SCUBE1: variants seen among roughly 807,000 people sequenced by gnomAD.
The protein encoded by SCUBE1 is signal peptide, CUB and EGF-like domain-containing protein 1.
In SCUBE1, 59 loss-of-function variants were observed where a neutral mutation model predicts 124.4. The ratio of observed to expected loss-of-function variants is 0.47; its 90% confidence interval spans 0.38 to 0.59. SCUBE1 has a LOEUF of 0.59. SCUBE1 is among the 20% of genes least tolerant of loss of function. SCUBE1 has a pLI of 0.00. For missense variants in SCUBE1, 1,150 were observed against 1,371.2 expected (o/e 0.84, Z 2.55); for synonymous variants, 545 against 550.9 (o/e 0.99, Z 0.15).
At position 43,293,492 on chromosome 22, in the gene SCUBE1, G is replaced by A. The variant is rs117692638; in HGVS notation, c.350-2312C>T. ...GCTCAGACCAATGCTGCGAAGAGCC[G>A]GCTGCTCCTCACACGAGCTGGAGTC... On this transcript the variant is annotated intron_variant, in intron 3 of 21. Transcript: ENST00000360835. Among the ~76,000 whole-genome samples, 385 of 152,328 alleles carry A rather than the reference G, an allele frequency of 2.5e-3. 18 individuals carry two copies. In the East Asian group the frequency reaches 0.067, roughly 26 times the overall value.
intron 4 of SCUBE1, among the ~76,000 whole-genome samples, chr22:43,276,365 C>A (rs1006233636): frequency 6.6e-6 from 1 of 152,164 alleles, no homozygotes; most frequent in Admixed American, 6.5e-5. Context: ...GACGTACATG[C>A]TGAAAGAGTC....
At chr22:43,286,165 A>G (rs1182600920) in intron 4 of SCUBE1, among the ~76,000 whole-genome samples, 2 of 152,240 alleles carry the variant, frequency 1.3e-5, no homozygotes, top group Non-Finnish European at 2.9e-5. Flanking sequence ...GCCCGTGTTT[A>G]TTGAAACTGT....
chr22:43,244,661 T>C (rs973813864), intron 6 of SCUBE1, among the ~76,000 whole-genome samples: 2 of 152,188 alleles, frequency 1.3e-5, no homozygotes, highest in Non-Finnish European at 2.9e-5. Flanking sequence ...CCAGGCTCAG[T>C]GCCAGCACAC....
At chr22:43,222,984 C>A (rs997454687) in intron 11 of SCUBE1, 113 bp downstream of exon 11, 12 of 1,386,698 alleles carry the variant, frequency 8.7e-6, no homozygotes, top group Non-Finnish European at 1.2e-5. Flanking sequence ...TTATCAGAGA[C>A]CCTCATTCCT....
chr22:43,281,533 C>CCCTTCACAGCCACCCTCCTGTCACCTCCT, intron 4 of SCUBE1, among the ~76,000 whole-genome samples: 1 of 63,530 alleles, frequency 1.6e-5, no homozygotes, highest in East Asian at 3.3e-3. Flanking sequence ...CCTGTCACCT[C>CCCTTCACAGCCACCCTCCTGTCACCTCCT]CCTCAGTCAC....
chr22:43,236,166 G>A (rs1033856535), intron 7 of SCUBE1, among the ~76,000 whole-genome samples: 6 of 152,206 alleles, frequency 3.9e-5, no homozygotes, highest in African/African-American at 1.4e-4. Context: ...ACCTGACCGA[G>A]GAACCAAACC....
intron 8 of SCUBE1, among the ~76,000 whole-genome samples, chr22:43,230,757 T>C (rs1417231666): frequency 2.0e-5 from 3 of 152,172 alleles, no homozygotes; most frequent in Non-Finnish European, 2.9e-5. Context: ...GGGGCACACA[T>C]GATTCTGAGG....
chr22:43,260,063 C>T (rs1272934732), intron 5 of SCUBE1, among the ~76,000 whole-genome samples: 1 of 152,204 alleles, frequency 6.6e-6, no homozygotes, highest in Non-Finnish European at 1.5e-5. Flanking sequence ...GTGGAACCCA[C>T]TTTGGGCTGG....
chr22:43,281,448 T>C (rs1157398490), intron 4 of SCUBE1, among the ~76,000 whole-genome samples: 1 of 63,478 alleles, frequency 1.6e-5, no homozygotes, highest in Non-Finnish European at 2.7e-5. Context: ...GCCACCCTCC[T>C]GTCATCTCCC....
chr22:43,209,028 G>A (rs1921422666), intron 19 of SCUBE1, among the ~76,000 whole-genome samples: 1 of 152,180 alleles, frequency 6.6e-6, no homozygotes, highest in African/African-American at 2.4e-5. Context: ...ACGGGTGAGG[G>A]GAACGGGTGG....
intron 2 of SCUBE1, among the ~76,000 whole-genome samples, chr22:43,323,725 G>A (rs780115880): frequency 7.9e-5 from 12 of 151,714 alleles, no homozygotes; most frequent in Admixed American, 2.6e-4. Flanking sequence ...GCACACACAC[G>A]CACATTCAAA....
At chr22:43,305,927 C>T (rs1040135921) in intron 3 of SCUBE1, among the ~76,000 whole-genome samples, 26 of 152,202 alleles carry the variant, frequency 1.7e-4, no homozygotes, top group African/African-American at 5.8e-4. Flanking sequence ...TGCCAGCAGT[C>T]TATTTCTAGC....
At chr22:43,280,645 T>C (rs943272701) in intron 4 of SCUBE1, among the ~76,000 whole-genome samples, 4 of 150,382 alleles carry the variant, frequency 2.7e-5, no homozygotes, top group African/African-American at 7.3e-5. Flanking sequence ...GCCATGCTCC[T>C]ACCAACTTCC....
chr22:43,290,704 C>T (rs1020971902), intron 4 of SCUBE1, among the ~76,000 whole-genome samples: 57 of 152,230 alleles, frequency 3.7e-4, no homozygotes, highest in African/African-American at 1.4e-3. Flanking sequence ...GCCTCAAGCC[C>T]CCTTTGGAGA....
Position 43,214,268 on chromosome 22 carries a change from G to C in SCUBE1, c.1892-17C>G. ...CACAGGCAACTGCAGAGGCAAAGCG[G>C]AGAGGCTGCTGGAGGCAGAGGTGGG... On this transcript the variant is annotated splice_polypyrimidine_tract_variant and intron_variant, in intron 15 of 21. Transcript: ENST00000360835. The C allele has an allele frequency of 6.2e-7, 1 of 1,607,188 alleles. No individual in the cohort carries two copies. Among genetic ancestry groups the C allele is most frequent in the Non-Finnish European group, 8.5e-7 (1 of 1,176,564 alleles).
rs544091068 is a variant in SCUBE1 at position 43,263,546 on chromosome 22, C to T, written c.485-701G>A. Among the ~76,000 whole-genome samples, 30 of 152,316 alleles carry T rather than the reference C, an allele frequency of 2.0e-4. No individual in the cohort carries two copies. In the South Asian group the frequency reaches 3.1e-3, roughly 16 times the overall value. On this transcript the variant is annotated intron_variant, in intron 4 of 21. Transcript: ENST00000360835. ...CAGTGAAGGCTGCAGACGGCGAACACGCACAGGGCAACCTCCTTCCCCCGG... is the reference window on the plus strand; with the variant it reads ...CAGTGAAGGCTGCAGACGGCGAACATGCACAGGGCAACCTCCTTCCCCCGG...
At chr22:43,287,755 T>C (rs928437288) in intron 4 of SCUBE1, among the ~76,000 whole-genome samples, 1 of 152,262 alleles carries the variant, frequency 6.6e-6, no homozygotes, top group Non-Finnish European at 1.5e-5. Flanking sequence ...CCAGGAGCTA[T>C]GGGAATCAGA....
chr22:43,240,554 G>A (rs1204145563), intron 6 of SCUBE1, among the ~76,000 whole-genome samples: 1 of 152,140 alleles, frequency 6.6e-6, no homozygotes, highest in Non-Finnish European at 1.5e-5. Flanking sequence ...AGGTGGGCAG[G>A]CCAGGGAATG....
At chr22:43,224,435 A>G (rs756521915) in intron 10 of SCUBE1, among the ~76,000 whole-genome samples, 7 of 152,166 alleles carry the variant, frequency 4.6e-5, no homozygotes, top group Non-Finnish European at 1.0e-4. Context: ...GGTTTATCCC[A>G]TGAGTTTTGT....
Sources: gnomAD v4.1 joint callset for allele counts (sites outside exome capture counted in the v4.1 genomes callset) on GRCh38, gnomAD v4.1.1 for gene constraint, MANE v1.5 for transcripts, NCBI Gene and HGNC (gene_info 2026-07-23, HGNC 2026-07-21) for gene names.